The following EFCAB11 variants were observed in gnomAD, a reference collection of about 807,000 sequenced individuals.
The protein encoded by EFCAB11 is EF-hand calcium-binding domain-containing protein 11.
In EFCAB11, 14 loss-of-function variants were observed where a neutral mutation model predicts 23.0. The ratio of observed to expected loss-of-function variants is 0.61; its 90% CI spans 0.40 to 0.95. The LOEUF (loss-of-function observed/expected upper bound fraction) is 0.95. Among genes scored for constraint, EFCAB11 ranks in the 40% least tolerant of loss-of-function variants. The probability of loss-of-function intolerance (pLI) is 0.00; values close to 1 mark genes in which losing one functional copy is unlikely to be tolerated. For missense variants in EFCAB11, 198 were observed against 195.8 expected (o/e 1.01, Z -0.07); for synonymous variants, 65 against 66.6 (o/e 0.98, Z 0.11).
intron 5 of EFCAB11, among the ~76,000 whole-genome samples, chr14:89,907,340 G>A (rs1889529257): frequency 6.6e-6 from 1 of 152,188 alleles, no homozygotes; most frequent in African/African-American, 2.4e-5. Flanking sequence ...TGTTTAAACA[G>A]TTCATGACAG....
intron 5 of EFCAB11, among the ~76,000 whole-genome samples, chr14:89,922,492 T>G (rs545739293): frequency 6.6e-6 from 1 of 152,310 alleles, no homozygotes; most frequent in Non-Finnish European, 1.5e-5. Context: ...AGAGGTTCAC[T>G]GATTTGTGGA....
At chr14:89,827,465 A>C (rs1886731705) in intron 5 of EFCAB11, among the ~76,000 whole-genome samples, 1 of 152,060 alleles carries the variant, frequency 6.6e-6, no homozygotes, top group Non-Finnish European at 1.5e-5. Flanking sequence ...GGAGGACAGG[A>C]CCTAAAGGGA....
At chr14:89,941,607 G>A (rs1333368465) in intron 3 of EFCAB11, among the ~76,000 whole-genome samples, 1 of 147,696 alleles carries the variant, frequency 6.8e-6, no homozygotes, top group Non-Finnish European at 1.5e-5. Context: ...TCAGAGATAT[G>A]GTCTTGCTCT....
At chr14:89,941,196 C>A (rs747771725) in intron 3 of EFCAB11, among the ~76,000 whole-genome samples, 3 of 152,156 alleles carry the variant, frequency 2.0e-5, no homozygotes, top group Non-Finnish European at 4.4e-5. Context: ...GTTGCATGGA[C>A]CCTGACTGCA....
intron 5 of EFCAB11, among the ~76,000 whole-genome samples, chr14:89,823,448 C>T (rs146754583): frequency 1.6e-4 from 24 of 152,278 alleles, no homozygotes; most frequent in Admixed American, 1.2e-3. Flanking sequence ...CACCATGCTG[C>T]GGACCTTCAT....
At position 89,826,807 on chromosome 14, in the gene EFCAB11, T is replaced by C. The variant is rs148501705; in HGVS notation, c.411-29483A>G. On this transcript the variant is annotated intron_variant, in intron 5 of 5. Transcript: ENST00000316738. Reference sequence around the variant, plus strand: ...ATAATGGCTAAGTGCAGCCGCCACTTGGTCCCTTAAGTTACTAGCTTCAGG... The same window carrying C: ...ATAATGGCTAAGTGCAGCCGCCACTCGGTCCCTTAAGTTACTAGCTTCAGG... 4.6e-3 allele frequency among the ~76,000 whole-genome samples: 708 copies of C among 152,296 alleles called. 2 individuals are homozygous for C. The highest frequency in any genetic ancestry group is 7.8e-3 in the Admixed American group (120 of 15,292).
At chr14:89,886,448 G>A in intron 5 of EFCAB11, among the ~76,000 whole-genome samples, 1 of 150,820 alleles carries the variant, frequency 6.6e-6, no homozygotes, top group East Asian at 1.9e-4. Context: ...AACCCTGGGG[G>A]CGGAGCTTGC....
At chr14:89,819,781 G>C (rs537973102) in intron 5 of EFCAB11, among the ~76,000 whole-genome samples, 5 of 152,088 alleles carry the variant, frequency 3.3e-5, no homozygotes, top group Non-Finnish European at 7.4e-5. Flanking sequence ...ATATTTGACT[G>C]TAGTGATATT....
At chr14:89,847,736 T>C (rs1183156112) in intron 5 of EFCAB11, among the ~76,000 whole-genome samples, 1 of 74,046 alleles carries the variant, frequency 1.4e-5, no homozygotes, top group East Asian at 3.1e-4. Flanking sequence ...AGAAACTCTG[T>C]CTCACAAAAA....
At chr14:89,941,694 G>A (rs186361853) in intron 3 of EFCAB11, among the ~76,000 whole-genome samples, 360 of 151,458 alleles carry the variant, frequency 2.4e-3, no homozygotes, top group Non-Finnish European at 4.1e-3. Flanking sequence ...GGGAATATAG[G>A]TGCATACCGC....
intron 5 of EFCAB11, among the ~76,000 whole-genome samples, chr14:89,928,657 GAAT>G (rs1890271055): frequency 6.8e-6 from 1 of 146,128 alleles, no homozygotes; most frequent in African/African-American, 2.6e-5. Flanking sequence ...TCTTGCTATT[GAAT>G]TATATATATA....
intron 5 of EFCAB11, among the ~76,000 whole-genome samples, chr14:89,872,399 A>T (rs755694600): frequency 6.6e-6 from 1 of 152,208 alleles, no homozygotes; most frequent in African/African-American, 2.4e-5. Context: ...GGCACAGTGC[A>T]AGTAGGAAAG....
intron 5 of EFCAB11, among the ~76,000 whole-genome samples, chr14:89,928,651 G>A (rs1269457719): frequency 6.7e-6 from 1 of 148,208 alleles, no homozygotes; most frequent in African/African-American, 2.5e-5. Flanking sequence ...CTGATATCTT[G>A]CTATTGAATT....
At chr14:89,882,458 C>T (rs1008122565) in intron 5 of EFCAB11, among the ~76,000 whole-genome samples, 4 of 152,214 alleles carry the variant, frequency 2.6e-5, no homozygotes, top group African/African-American at 9.6e-5. Flanking sequence ...AAGAGATCAT[C>T]TGTGAGAAAC....
chr14:89,801,690 C>A (rs916464304), intron 5 of EFCAB11, among the ~76,000 whole-genome samples: 1 of 152,092 alleles, frequency 6.6e-6, no homozygotes, highest in African/African-American at 2.4e-5. Context: ...TATTTTGATT[C>A]ATTGTATTAA....
chr14:89,888,275 T>C (rs1357263608), intron 5 of EFCAB11, among the ~76,000 whole-genome samples: 1 of 152,084 alleles, frequency 6.6e-6, no homozygotes, highest in African/African-American at 2.4e-5. Context: ...GAGACTAGAG[T>C]TCTCTCCTTT....
At chr14:89,946,102 C>T (rs984583828) in intron 3 of EFCAB11, among the ~76,000 whole-genome samples, 4 of 151,454 alleles carry the variant, frequency 2.6e-5, no homozygotes, top group African/African-American at 9.7e-5. Context: ...TGTATTTTTT[C>T]GTAAAGACGG....
rs114971276 is a variant in EFCAB11 at position 89,918,228 on chromosome 14, C to T, written c.410+13313G>A. 4.3e-4 allele frequency among the ~76,000 whole-genome samples: 65 copies of T among 152,184 alleles called. 1 individual carries two copies. The highest frequency in any genetic ancestry group is 1.5e-3 in the African/African-American group (64 of 41,536). ...GGAATTAGGAAAAAAAGAAGAGACC[C>T]CTTTTCCTCAGAAATAAAATTAAAG... On this transcript the variant is annotated intron_variant, in intron 5 of 5. Coordinates refer to ENST00000316738, the MANE Select transcript of EFCAB11 (RefSeq NM_145231.4).
intron 5 of EFCAB11, among the ~76,000 whole-genome samples, chr14:89,895,319 G>A (rs1362055072): frequency 2.0e-5 from 3 of 152,130 alleles, no homozygotes; most frequent in South Asian, 2.1e-4. Context: ...AATGTTAATC[G>A]AAATCTGAAC....
Sources: allele counts gnomAD v4.1 joint callset (sites outside exome capture counted in the v4.1 genomes callset), GRCh38; gene constraint gnomAD v4.1.1; transcripts MANE v1.5; gene names NCBI Gene and HGNC (gene_info 2026-07-23, HGNC 2026-07-21).